Variants in UNC13C observed in about 807,000 individuals in gnomAD.
The protein encoded by UNC13C is protein unc-13 homolog C.
A neutral mutation model predicts 245.4 loss-of-function variants in UNC13C; 174 were observed. The observed-to-expected ratio is 0.71, with a 90% CI of 0.63 to 0.80. The LOEUF (loss-of-function observed/expected upper bound fraction) is 0.80. Among genes scored for constraint, UNC13C ranks in the 30% least tolerant of loss-of-function variants. The pLI is 0.00. For synonymous variants in UNC13C, 992 were observed against 895.1 expected (o/e 1.11, Z -1.93); for missense variants, 2,829 against 2,602.9 (o/e 1.09, Z -1.89).
At chr15:54,403,298 T>C (rs2040225117) in intron 18 of UNC13C, among the ~76,000 whole-genome samples, 1 of 152,044 alleles carries the variant, frequency 6.6e-6, no homozygotes, top group Non-Finnish European at 1.5e-5. Flanking sequence ...CCTAGCTACT[T>C]GGGAGGATGA....
At chr15:54,137,577 C>T (rs982567457) in intron 2 of UNC13C, among the ~76,000 whole-genome samples, 6 of 152,080 alleles carry the variant, frequency 3.9e-5, no homozygotes, top group African/African-American at 1.2e-4. Flanking sequence ...AGTAATTTAT[C>T]CATTTCTTCC....
chr15:54,505,773 C>T (rs565943), intron 22 of UNC13C, among the ~76,000 whole-genome samples: 17,298 of 137,586 alleles, frequency 0.13, 1,160 homozygotes, highest in Middle Eastern at 0.16. Context: ...GAGACAATCT[C>T]GCTCTGTCGC....
At chr15:54,464,123 C>A (rs1462680572) in intron 19 of UNC13C, among the ~76,000 whole-genome samples, 1 of 152,162 alleles carries the variant, frequency 6.6e-6, no homozygotes, top group Non-Finnish European at 1.5e-5. Flanking sequence ...GCCTAGTTCT[C>A]CATATCTTGC....
In UNC13C at chr15:54,056,392, T is replaced by C. The variant is rs541436952; in HGVS notation, c.2983+40506T>C. Among the ~76,000 whole-genome samples, 14 of 151,982 alleles carry C rather than the reference T, an allele frequency of 9.2e-5. 1 individual carries two copies. The South Asian group carries it at 2.3e-3, about 25-fold the overall frequency. On this transcript the variant is annotated intron_variant, in intron 2 of 32. Transcript: ENST00000260323. ...AAGACGAAATGAATGAAATGAAGCA[T>C]GAAGAGAAGTTTAGAGAAAAAAGAA...
intron 7 of UNC13C, among the ~76,000 whole-genome samples, chr15:54,242,015 C>G (rs1018134295): frequency 1.3e-5 from 2 of 152,176 alleles, no homozygotes; most frequent in African/African-American, 4.8e-5. Context: ...GGGCCTAGGG[C>G]AAGTTATGGA....
intron 2 of UNC13C, among the ~76,000 whole-genome samples, chr15:54,040,331 C>T (rs1054704242): frequency 1.3e-5 from 2 of 152,114 alleles, no homozygotes; most frequent in African/African-American, 2.4e-5. Context: ...TGGGTCCAAT[C>T]CCACTTAAGA....
chr15:53,903,205 C>T, the UNC13C span, among the ~76,000 whole-genome samples: 1 of 152,204 alleles, frequency 6.6e-6, no homozygotes, highest in Non-Finnish European at 1.5e-5. Flanking sequence ...ATGCAGACTG[C>T]ATAACATCAG....
rs149585639 is a variant in UNC13C at position 54,472,484 on chromosome 15, A to C, written c.4934-22124A>C. On this transcript the variant is annotated intron_variant, in intron 19 of 32. Coordinates refer to ENST00000260323, the MANE Select transcript of UNC13C (RefSeq NM_001080534.3). ...AAGTTCTATACTTTTATATGTTTTC[A>C]TATCAGTAATTAGCATCCTCTTCCT... Among the ~76,000 whole-genome samples, 769 of 151,836 alleles carry C rather than the reference A, an allele frequency of 5.1e-3. 5 individuals carry two copies. Among genetic ancestry groups the C allele is most frequent in the African/African-American group, 0.017 (719 of 41,484 alleles).
intron 2 of UNC13C, among the ~76,000 whole-genome samples, chr15:54,026,448 T>TAAAAA (rs1477618312): frequency 6.6e-6 from 1 of 152,192 alleles, no homozygotes; most frequent in Non-Finnish European, 1.5e-5. Context: ...ACCTGGCCTG[T>TAAAAA]AATACAAACT....
rs566503645 is a variant in UNC13C, at chr15:54,417,355, T to G, written c.4933+2288T>G. Among the ~76,000 whole-genome samples, 33 of 152,308 alleles carry G rather than the reference T, an allele frequency of 2.2e-4. No individual in the cohort carries two copies. In the South Asian group the frequency reaches 6.6e-3, roughly 31 times the overall value. ...GGGAACATTCCAAGAGCTCAACACC[T>G]TTGTGTTTCACTGTTCTCCCCTTTT... On this transcript the variant is annotated intron_variant, in intron 19 of 32. Transcript: ENST00000260323.
chr15:54,598,338 G>A (rs549743860), intron 30 of UNC13C, among the ~76,000 whole-genome samples: 1 of 152,182 alleles, frequency 6.6e-6, no homozygotes, highest in African/African-American at 2.4e-5. Flanking sequence ...CAGGCAATCT[G>A]CCCACCTCGG....
At chr15:54,581,468 G>T (rs147967172) in intron 30 of UNC13C, among the ~76,000 whole-genome samples, 187 of 152,296 alleles carry the variant, frequency 1.2e-3, no homozygotes, top group African/African-American at 4.3e-3. Context: ...TCTGATGAGG[G>T]CTCTCCTCCT....
At chr15:53,924,641 C>T in the UNC13C span, among the ~76,000 whole-genome samples, 1 of 152,090 alleles carries the variant, frequency 6.6e-6, no homozygotes, top group Non-Finnish European at 1.5e-5. Context: ...ATGTAATTTA[C>T]TCAGAAAATT....
intron 19 of UNC13C, among the ~76,000 whole-genome samples, chr15:54,435,085 C>T (rs148285023): frequency 1.0e-3 from 155 of 151,990 alleles, no homozygotes; most frequent in African/African-American, 3.1e-3. Context: ...AAACAACAGA[C>T]GCTGGCGTAG....
chr15:54,013,402 T>C lies in UNC13C; in HGVS notation c.499T>C (p.Ser167Pro). 3 of 1,613,834 alleles carry C rather than the reference T, an allele frequency of 1.9e-6. No individual in the cohort carries two copies. The highest frequency in any genetic ancestry group is 2.5e-6 in the Non-Finnish European group (3 of 1,179,858). The part of the protein sequence containing the change: ...SSSLAPSEGS[S>P]DGERTLHGLK... ...CAGCCTTGCACCCTCTGAGGGCAGC[T>C]CTGACGGGGAGCGTACTCTACATGG... Residue 167 changes from serine to proline, a missense_variant, in exon 2 of 33, where the codon TCT becomes CCT. Physicochemically the swap from Ser to Pro is moderately conservative, Grantham distance 74 (BLOSUM62 -1). Coordinates refer to ENST00000260323, the MANE Select transcript of UNC13C (RefSeq NM_001080534.3).
At chr15:54,361,705 A>C (rs1053579757) in intron 17 of UNC13C, among the ~76,000 whole-genome samples, 7 of 152,300 alleles carry the variant, frequency 4.6e-5, no homozygotes, top group African/African-American at 1.4e-4. Flanking sequence ...TACAGCGAGC[A>C]CTAGAACTAA....
chr15:54,542,829 T>G (rs1896308916), intron 26 of UNC13C, among the ~76,000 whole-genome samples: 1 of 152,170 alleles, frequency 6.6e-6, no homozygotes, highest in African/African-American at 2.4e-5. Flanking sequence ...AACCCTTGCT[T>G]TTTTTGCTTT....
At chr15:54,151,159 C>T in intron 4 of UNC13C, among the ~76,000 whole-genome samples, 1 of 152,090 alleles carries the variant, frequency 6.6e-6, no homozygotes, top group Non-Finnish European at 1.5e-5. Context: ...TAAGACTCCC[C>T]CATCTTCGGG....
intron 30 of UNC13C, among the ~76,000 whole-genome samples, chr15:54,614,437 T>A (rs1296858193): frequency 6.6e-6 from 1 of 152,000 alleles, no homozygotes; most frequent in African/African-American, 2.4e-5. Flanking sequence ...ATATGTAACT[T>A]TCCCCTGTAG....
Sources: allele counts gnomAD v4.1 joint callset (sites outside exome capture counted in the v4.1 genomes callset), GRCh38; gene constraint gnomAD v4.1.1; transcripts MANE v1.5; gene names NCBI Gene and HGNC (gene_info 2026-07-23, HGNC 2026-07-21).